TMEM232: variants seen among roughly 807,000 people sequenced by gnomAD.
TMEM232 encodes the protein transmembrane protein 232.
In TMEM232, 80 loss-of-function variants were observed where a neutral mutation model predicts 78.8. The observed-to-expected ratio is 1.01, with a 90% CI of 0.85 to 1.22. The LOEUF is 1.22. TMEM232 is among the 50% of genes most tolerant of loss of function. The pLI is 0.00. For synonymous variants in TMEM232, 297 were observed against 254.3 expected, an observed-to-expected ratio of 1.17 and a Z score of -1.60; for missense variants, 881 against 742.2, an observed-to-expected ratio of 1.19 and a Z score of -2.17.
intron 6 of TMEM232, among the ~76,000 whole-genome samples, chr5:110,626,209 T>A (rs10042705): frequency 0.029 from 4,414 of 152,020 alleles, 218 homozygotes; most frequent in African/African-American, 0.1. Context: ...GGAGGGTATA[T>A]CCTCAATAAC....
intron 10 of TMEM232, among the ~76,000 whole-genome samples, chr5:110,588,890 T>G (rs955897894): frequency 6.6e-6 from 1 of 152,138 alleles, no homozygotes; most frequent in Admixed American, 6.6e-5. Flanking sequence ...TCATTATCTA[T>G]TTCTAAATAT....
intron 2 of TMEM232, among the ~76,000 whole-genome samples, chr5:110,655,915 G>T (rs1368099812): frequency 1.9e-5 from 2 of 106,750 alleles, no homozygotes; most frequent in Admixed American, 2.3e-4. Context: ...GTGGGGTGGG[G>T]GGAGGGGGGA....
chr5:110,543,015 G>T lies in TMEM232; in HGVS notation c.1456-14180C>A, dbSNP rs539575971. Among the ~76,000 whole-genome samples, 14 of 152,304 alleles carry T rather than the reference G, an allele frequency of 9.2e-5. No individual in the cohort carries two copies. The East Asian group carries it at 2.7e-3, about 29-fold the overall frequency. ...CTCAAGCCTGCTCCCACCCTGGGAAGTGTACTTTCATTTTCAATAAATTTC... is the reference window on the plus strand; with the variant it reads ...CTCAAGCCTGCTCCCACCCTGGGAATTGTACTTTCATTTTCAATAAATTTC... On this transcript the variant is annotated intron_variant, in intron 11 of 13. Transcript: ENST00000455884.
At chr5:110,436,125 G>C (rs1424009008) in intron 12 of TMEM232, among the ~76,000 whole-genome samples, 4 of 151,776 alleles carry the variant, frequency 2.6e-5, no homozygotes, top group Admixed American at 6.6e-5. Flanking sequence ...ATTTGTTATT[G>C]CCTAATTTTT....
At chr5:110,663,551 T>A (rs1161876691) in intron 2 of TMEM232, among the ~76,000 whole-genome samples, 1 of 151,984 alleles carries the variant, frequency 6.6e-6, no homozygotes, top group Non-Finnish European at 1.5e-5. Context: ...ACACTAAAAC[T>A]GTATTAAGAA....
intron 10 of TMEM232, among the ~76,000 whole-genome samples, chr5:110,579,731 T>A (rs969203663): frequency 6.7e-6 from 1 of 149,456 alleles, no homozygotes; most frequent in Non-Finnish European, 1.5e-5. Flanking sequence ...CACAAACACA[T>A]ACACACACAC....
chr5:110,649,005 T>C, intron 2 of TMEM232, among the ~76,000 whole-genome samples: 1 of 152,128 alleles, frequency 6.6e-6, no homozygotes, highest in Admixed American at 6.6e-5. Flanking sequence ...TGCTGTATCC[T>C]GCTAAGTGAG....
At chr5:110,533,459 A>G (rs1367331275) in intron 11 of TMEM232, among the ~76,000 whole-genome samples, 1 of 152,220 alleles carries the variant, frequency 6.6e-6, no homozygotes, top group Non-Finnish European at 1.5e-5. Flanking sequence ...TTACTGTTTT[A>G]GCCTAGCCCT....
At chr5:110,470,250 G>T (rs1186113297) in intron 12 of TMEM232, among the ~76,000 whole-genome samples, 1 of 152,054 alleles carries the variant, frequency 6.6e-6, no homozygotes, top group African/African-American at 2.4e-5. Context: ...CTGCCCGTAG[G>T]GTCAGAGTTA....
chr5:110,718,008 G>C (rs1349934045), intron 1 of TMEM232, among the ~76,000 whole-genome samples: 2 of 151,938 alleles, frequency 1.3e-5, no homozygotes, highest in African/African-American at 4.8e-5. Flanking sequence ...AAAGTATATT[G>C]AATATTTTTC....
At chr5:110,462,319 T>C (rs1025186307) in intron 12 of TMEM232, among the ~76,000 whole-genome samples, 6 of 152,184 alleles carry the variant, frequency 3.9e-5, no homozygotes, top group Non-Finnish European at 8.8e-5. Flanking sequence ...GATTGAAGGA[T>C]GCAAAGTACT....
At chr5:110,720,889 A>G (rs7725261) in intron 1 of TMEM232, 32 of 152,170 alleles carry the variant, frequency 2.1e-4, no homozygotes, top group African/African-American at 6.5e-4. Context: ...AAAAATAAAT[A>G]TAAGAGAAAA....
intron 10 of TMEM232, among the ~76,000 whole-genome samples, chr5:110,600,940 C>T (rs1780803613): frequency 6.6e-6 from 1 of 152,178 alleles, no homozygotes; most frequent in African/African-American, 2.4e-5. Flanking sequence ...GCTGGCAGCA[C>T]ATAAAAAGCT....
At chr5:110,569,696 A>C (rs1776721639) in intron 10 of TMEM232, among the ~76,000 whole-genome samples, 1 of 151,946 alleles carries the variant, frequency 6.6e-6, no homozygotes, top group Non-Finnish European at 1.5e-5. Flanking sequence ...TAGTTTTCAT[A>C]ATGCAGGTTA....
chr5:110,482,374 A>C (rs537122981), intron 12 of TMEM232, among the ~76,000 whole-genome samples: 1 of 152,118 alleles, frequency 6.6e-6, no homozygotes, highest in Admixed American at 6.6e-5. Context: ...TGAGGTCAGG[A>C]GTTTGAGATG....
intron 8 of TMEM232, among the ~76,000 whole-genome samples, chr5:110,610,264 G>A (rs894656796): frequency 6.5e-4 from 92 of 142,464 alleles, no homozygotes; most frequent in African/African-American, 2.5e-3. Flanking sequence ...GGGAGGAAGG[G>A]AGGAAGGTGG....
chr5:110,545,512 A>C (rs929935525), intron 11 of TMEM232, among the ~76,000 whole-genome samples: 6 of 152,084 alleles, frequency 3.9e-5, no homozygotes, highest in Non-Finnish European at 7.4e-5. Flanking sequence ...TTAAGGATCT[A>C]TACTTATCCA....
chr5:110,630,161 G>A (rs1320746930), intron 5 of TMEM232, among the ~76,000 whole-genome samples: 1 of 152,140 alleles, frequency 6.6e-6, no homozygotes, highest in Non-Finnish European at 1.5e-5. Context: ...TACTTATAGA[G>A]CATGCTTATT....
rs147226219 is a variant in TMEM232, at chr5:110,522,944, C to T, written c.1703+5644G>A. ...TCACTTAAACTAGTTGGAAGCTTTC[C>T]CTCCTCTTCAATTTTTGGAGGAGCT... On this transcript the variant is annotated intron_variant, in intron 12 of 13. Coordinates refer to ENST00000455884, the MANE Select transcript of TMEM232 (RefSeq NM_001039763.4). Among the ~76,000 whole-genome samples the T allele has an allele frequency of 7.9e-4, 120 of 152,164 alleles. 1 individual carries two copies. The highest frequency in any genetic ancestry group is 2.8e-3 in the African/African-American group (118 of 41,498).
Sources: gnomAD v4.1 joint callset for allele counts (sites outside exome capture counted in the v4.1 genomes callset) on GRCh38, gnomAD v4.1.1 for gene constraint, MANE v1.5 for transcripts, NCBI Gene and HGNC (gene_info 2026-07-23, HGNC 2026-07-21) for gene names.